The following EXOC2 variants were observed in gnomAD, a reference collection of about 807,000 sequenced individuals.
EXOC2 encodes exocyst complex component 2.
EXOC2 carries 70 observed loss-of-function variants against 131.8 expected under a neutral mutation model. The ratio of observed to expected loss-of-function variants is 0.53; its 90% CI spans 0.44 to 0.65. The LOEUF is 0.65. EXOC2 is among the 30% of genes least tolerant of loss of function. The probability of loss-of-function intolerance (pLI) is 0.00; values close to 1 mark genes in which losing one functional copy is unlikely to be tolerated. For synonymous variants in EXOC2, 411 were observed against 398.4 expected (o/e 1.03, Z -0.38); for missense variants, 923 against 1,108.6 (o/e 0.83, Z 2.38).
rs58124845 is a variant in EXOC2 at position 655,446 on chromosome 6, G to T, written c.-43-17585C>A. 3.7e-3 allele frequency among the ~76,000 whole-genome samples: 560 copies of T among 152,222 alleles called. 2 individuals are homozygous for T. Among genetic ancestry groups the T allele is most frequent in the African/African-American group, 0.013 (539 of 41,544 alleles). On this transcript the variant is annotated intron_variant, in intron 1 of 27. Transcript: ENST00000230449. ...CTCATCTGTCTTTATTGCAATATTT[G>T]CTTTTTGCAGTGGTCTGGAACCAAA...
At chr6:516,626 T>G (rs1300717760) in intron 23 of EXOC2, among the ~76,000 whole-genome samples, 1 of 152,160 alleles carries the variant, frequency 6.6e-6, no homozygotes, top group African/African-American at 2.4e-5. Context: ...TCACACCAAA[T>G]GTAGCCAAGA....
intron 9 of EXOC2, 108 bp from the exon 10 acceptor site, chr6:598,231 C>G: frequency 1.3e-6 from 1 of 757,640 alleles, no homozygotes; most frequent in Non-Finnish European, 2.2e-6. Context: ...TAAGAGGCAC[C>G]AGGGCCGTGT....
At chr6:502,743 C>G (rs1764297000) in intron 23 of EXOC2, among the ~76,000 whole-genome samples, 1 of 152,038 alleles carries the variant, frequency 6.6e-6, no homozygotes. Flanking sequence ...ATAAGGAGCT[C>G]AAAGACGTAA....
chr6:501,204 ATATATATATTATATATATC>A (rs1764091947), intron 23 of EXOC2, among the ~76,000 whole-genome samples: 1 of 17,798 alleles, frequency 5.6e-5, no homozygotes, highest in South Asian at 1.8e-3. Flanking sequence ...TATATATATT[ATATATATATTATATATATC>A]TATATATATT....
chr6:595,824 C>T (rs1759784184), intron 10 of EXOC2, among the ~76,000 whole-genome samples: 1 of 152,108 alleles, frequency 6.6e-6, no homozygotes, highest in African/African-American at 2.4e-5. Context: ...TACGCTCAAC[C>T]TCCCTGCAAC....
intron 10 of EXOC2, among the ~76,000 whole-genome samples, chr6:597,263 G>A (rs1483922519): frequency 6.7e-6 from 1 of 148,830 alleles, no homozygotes; most frequent in Non-Finnish European, 1.5e-5. Context: ...TGCAACCTCT[G>A]CCTCCCGGGT....
chr6:487,497 C>G (rs1763144066), intron 27 of EXOC2, among the ~76,000 whole-genome samples: 1 of 152,130 alleles, frequency 6.6e-6, no homozygotes, highest in African/African-American at 2.4e-5. Flanking sequence ...ACCTCCACCT[C>G]CCGGATTCAA....
At chr6:501,665 C>G (rs1215451242) in intron 23 of EXOC2, among the ~76,000 whole-genome samples, 4 of 108,084 alleles carry the variant, frequency 3.7e-5, no homozygotes, top group Non-Finnish European at 7.1e-5. Context: ...ATATATCTAT[C>G]TATAAAAGAT....
intron 11 of EXOC2, among the ~76,000 whole-genome samples, chr6:578,859 AT>A (rs1344174729): frequency 1.3e-5 from 2 of 152,104 alleles, no homozygotes; most frequent in African/African-American, 4.8e-5. Flanking sequence ...TGTTCTAGTG[AT>A]TTATGACATT....
At chr6:585,779 GAATT>G (rs1381185102) in intron 11 of EXOC2, among the ~76,000 whole-genome samples, 1 of 152,112 alleles carries the variant, frequency 6.6e-6, no homozygotes, top group African/African-American at 2.4e-5. Context: ...CAGACATCAA[GAATT>G]ATTTTTCCGT....
intron 1 of EXOC2, chr6:656,841 C>A: frequency 6.2e-7 from 1 of 1,610,618 alleles, no homozygotes; most frequent in Non-Finnish European, 8.5e-7. Flanking sequence ...GCTGTCAGGG[C>A]GCACGCGGAG....
At position 571,586 on chromosome 6, in the gene EXOC2, AAGG is replaced by A. The variant is rs545246873; in HGVS notation, c.1443+931_1443+933del. ...CTCTGACACTTAGCCACTTTCCGCC[AAGG>A]AGGAGAGGTTTAAACCACAAAGGCT... On this transcript the variant is annotated intron_variant, in intron 13 of 27. Transcript: ENST00000230449. Among the ~76,000 whole-genome samples, 434 of 152,352 alleles carry A rather than the reference AAGG, an allele frequency of 2.8e-3. 3 individuals carry two copies. Among genetic ancestry groups the A allele is most frequent in the African/African-American group, 1.0e-2 (415 of 41,586 alleles).
At chr6:652,039 G>C (rs1222963520) in intron 1 of EXOC2, among the ~76,000 whole-genome samples, 1 of 147,410 alleles carries the variant, frequency 6.8e-6, no homozygotes, top group Non-Finnish European at 1.5e-5. Flanking sequence ...CTGGGCGACA[G>C]AGTGAGATTC....
At chr6:634,881 C>T (rs1195138383) in intron 2 of EXOC2, among the ~76,000 whole-genome samples, 1 of 152,070 alleles carries the variant, frequency 6.6e-6, no homozygotes, top group African/African-American at 2.4e-5. Flanking sequence ...GAAAGCCTCT[C>T]CAAACTCCAC....
At chr6:523,266 G>A (rs1191666198) in intron 23 of EXOC2, among the ~76,000 whole-genome samples, 1 of 152,228 alleles carries the variant, frequency 6.6e-6, no homozygotes, top group Non-Finnish European at 1.5e-5. Context: ...CTTGAGATCA[G>A]TACCCTGGCT....
At chr6:680,830 T>C (rs2127798088) in intron 1 of EXOC2, among the ~76,000 whole-genome samples, 1 of 152,344 alleles carries the variant, frequency 6.6e-6, no homozygotes, top group Admixed American at 6.5e-5. Context: ...CAATCTTCAG[T>C]GGGCTTGCCT....
intron 1 of EXOC2, among the ~76,000 whole-genome samples, chr6:677,633 T>C (rs1422234101): frequency 6.6e-6 from 1 of 152,142 alleles, no homozygotes; most frequent in Non-Finnish European, 1.5e-5. Context: ...CATGCCTGAC[T>C]AATTTTTGTA....
chr6:526,120 C>A (rs978439167), intron 23 of EXOC2, among the ~76,000 whole-genome samples: 4 of 152,132 alleles, frequency 2.6e-5, no homozygotes, highest in African/African-American at 9.7e-5. Context: ...AAATTCTATA[C>A]ATATAAATGT....
At chr6:587,834 A>G (rs916990041) in intron 11 of EXOC2, among the ~76,000 whole-genome samples, 8 of 152,210 alleles carry the variant, frequency 5.3e-5, no homozygotes, top group African/African-American at 1.9e-4. Context: ...ATATTTAAAA[A>G]ATATTCATAT....
Sources: allele counts gnomAD v4.1 joint callset (sites outside exome capture counted in the v4.1 genomes callset), GRCh38; gene constraint gnomAD v4.1.1; transcripts MANE v1.5; gene names NCBI Gene and HGNC (gene_info 2026-07-23, HGNC 2026-07-21).